The following SORL1 variants were observed in gnomAD, a reference collection of about 807,000 sequenced individuals.
The protein encoded by SORL1 is sortilin-related receptor.
In SORL1, 127 loss-of-function variants were observed where a neutral mutation model predicts 273.7. The observed-to-expected ratio is 0.46, with a 90% CI of 0.40 to 0.54. The LOEUF is 0.54. Ranked by LOEUF, SORL1 falls within the 20% of genes least tolerant of loss-of-function variation. The pLI is 0.00. For missense variants in SORL1, 2,494 were observed against 2,846.1 expected (o/e 0.88, Z 2.81); for synonymous variants, 1,031 against 1,067.4 (o/e 0.97, Z 0.66).
chr11:121,569,112 A>C (rs1159127443), intron 22 of SORL1, among the ~76,000 whole-genome samples: 3 of 152,204 alleles, frequency 2.0e-5, no homozygotes, highest in Non-Finnish European at 2.9e-5. Flanking sequence ...TAAATTGTGA[A>C]GATTTCACGG....
At chr11:121,613,981 A>G (rs547027201) in intron 40 of SORL1, among the ~76,000 whole-genome samples, 49 of 152,318 alleles carry the variant, frequency 3.2e-4, no homozygotes, top group African/African-American at 1.1e-3. Context: ...TTTTTTCTCC[A>G]TCTTACAAAC....
At chr11:121,471,167 G>A (rs1360020722) in intron 2 of SORL1, among the ~76,000 whole-genome samples, 1 of 152,150 alleles carries the variant, frequency 6.6e-6, no homozygotes, top group South Asian at 2.1e-4. Flanking sequence ...TTGGAGAGAC[G>A]TGGGGAAGGG....
chr11:121,573,210 C>T lies in SORL1; in HGVS notation c.3338-1031C>T, dbSNP rs1862873600. The stretch of plus-strand genomic sequence containing the variant: ...TGTTTAGAGCCCATTATATTTACAT[C>T]CTATTTAATAGGCTCTGGTTCCAAA... On this transcript the variant is annotated intron_variant, in intron 23 of 47. Coordinates refer to ENST00000260197, the MANE Select transcript of SORL1 (RefSeq NM_003105.6). 1.3e-5 allele frequency among the ~76,000 whole-genome samples: 2 copies of T among 152,166 alleles called. 1 individual carries two copies. Among genetic ancestry groups the T allele is most frequent in the Admixed American group, 1.3e-4 (2 of 15,278 alleles).
intron 14 of SORL1, among the ~76,000 whole-genome samples, chr11:121,548,597 C>T (rs1862466320): frequency 6.6e-6 from 1 of 152,152 alleles, no homozygotes; most frequent in South Asian, 2.1e-4. Context: ...GACAGAGTCT[C>T]ACTCTGTCAC....
chr11:121,559,524 A>C lies in SORL1; in HGVS notation c.2916A>C (p.Glu972Asp). 6.2e-7 allele frequency: 1 copy of C among 1,611,722 alleles called. No individual in the cohort carries two copies. The highest frequency in any genetic ancestry group is 1.1e-5 in the South Asian group (1 of 90,518). ...HPYAIAVFKN[E>D]IYWDDWSQLS... ...GGCAAAGGTTTTCTTTTTAGAATGA[A>C]ATCTACTGGGATGACTGGTCACAGC... Residue 972 changes from glutamate to aspartate, a missense_variant, in exon 21 of 48, where the codon GAA (glutamate) becomes GAC (aspartate). Physicochemically the swap from Glu to Asp is conservative, Grantham distance 45. Transcript: ENST00000260197.
At chr11:121,532,985 G>A (rs1026330190) in intron 12 of SORL1, among the ~76,000 whole-genome samples, 6 of 151,964 alleles carry the variant, frequency 3.9e-5, no homozygotes, top group East Asian at 1.9e-4. Context: ...TGCCCACCCC[G>A]ATTTAAACTC....
intron 8 of SORL1, among the ~76,000 whole-genome samples, chr11:121,518,031 G>A (rs940853647): frequency 6.6e-6 from 1 of 152,230 alleles, no homozygotes; most frequent in East Asian, 1.9e-4. Flanking sequence ...AATGACCCTG[G>A]CCCTGGTGGG....
At chr11:121,506,409 G>A (rs1861787551) in intron 6 of SORL1, among the ~76,000 whole-genome samples, 1 of 152,150 alleles carries the variant, frequency 6.6e-6, no homozygotes, top group Admixed American at 6.5e-5. Context: ...ATGGTGGAAG[G>A]CAAGCAGGAG....
intron 6 of SORL1, among the ~76,000 whole-genome samples, chr11:121,510,711 C>T (rs1291745537): frequency 6.6e-6 from 1 of 152,224 alleles, no homozygotes; most frequent in Admixed American, 6.5e-5. Flanking sequence ...TCCCACTGCT[C>T]AGGAGGAAAG....
At chr11:121,476,894 T>A (rs1861277636) in intron 2 of SORL1, among the ~76,000 whole-genome samples, 1 of 151,452 alleles carries the variant, frequency 6.6e-6, no homozygotes, top group Admixed American at 6.6e-5. Flanking sequence ...TGGGCTTAAG[T>A]GATCTTCACA....
rs760941409 is a variant in SORL1 at position 121,621,183 on chromosome 11, C to A, written c.6009C>A (p.His2003Gln). Residue 2003 changes from histidine (H) to glutamine (Q), a missense_variant, in exon 44 of 48, where the codon CAC becomes CAA. By Grantham distance (24) the His-to-Gln change is conservative. Transcript: ENST00000260197. ...AGTTGGAGCCTGGCGGGAAATACCA[C>A]ATCATTGTCCAACTGGGGAACATGA... ...LNKLEPGGKY[H>Q]IIVQLGNMSK... 7 of 1,614,078 alleles carry A rather than the reference C, an allele frequency of 4.3e-6. No homozygotes were observed. In the African/African-American group the frequency reaches 9.3e-5, roughly 22 times the overall value.
At chr11:121,540,633 G>T (rs1034876665) in intron 12 of SORL1, among the ~76,000 whole-genome samples, 1 of 151,864 alleles carries the variant, frequency 6.6e-6, no homozygotes, top group African/African-American at 2.4e-5. Flanking sequence ...TCCAAAATGC[G>T]TGTTCTCTTA....
chr11:121,560,279 G>A (rs892250822), intron 21 of SORL1, among the ~76,000 whole-genome samples: 1 of 152,248 alleles, frequency 6.6e-6, no homozygotes, highest in Non-Finnish European at 1.5e-5. Context: ...TGAAAAGGGA[G>A]GGGAAGAATT....
intron 1 of SORL1, among the ~76,000 whole-genome samples, chr11:121,467,130 C>T (rs529445284): frequency 1.3e-3 from 197 of 150,286 alleles, no homozygotes; most frequent in Admixed American, 2.5e-3. Context: ...CCCGGGTTCA[C>T]GCCATTCTCC....
At chr11:121,461,823 T>C (rs1861005068) in intron 1 of SORL1, among the ~76,000 whole-genome samples, 1 of 152,208 alleles carries the variant, frequency 6.6e-6, no homozygotes, top group African/African-American at 2.4e-5. Context: ...CTTTCGCTAA[T>C]GTTAATGTTC....
intron 12 of SORL1, among the ~76,000 whole-genome samples, chr11:121,536,425 G>GTTT (rs760535597): frequency 7.0e-6 from 1 of 143,732 alleles, no homozygotes. Flanking sequence ...TCTTATCACT[G>GTTT]TGTTTTTTTT....
Position 121,545,434 on chromosome 11 carries a change from GTTC to G in SORL1, c.2051+11_2051+13del, listed in dbSNP as rs771548313. ...CACCCGGGAGGACTATGAGTGGTCA[GTTC>G]TTCTTTGATGGCTGGGGACTGAGTT... On this transcript the variant is annotated splice_donor_region_variant and intron_variant, in intron 14 of 47. Transcript: ENST00000260197. The G allele has an allele frequency of 3.1e-6, 5 of 1,613,738 alleles. No homozygotes were observed. Among genetic ancestry groups the G allele is most frequent in the Admixed American group, 3.3e-5 (2 of 60,022 alleles).
intron 4 of SORL1, among the ~76,000 whole-genome samples, 181 bp from the exon 5 acceptor site, chr11:121,489,862 G>A (rs12280112): frequency 2.1e-4 from 32 of 152,358 alleles, no homozygotes; most frequent in African/African-American, 7.5e-4. Flanking sequence ...TAGGTACACA[G>A]TTGTCTTTCC....
chr11:121,461,414 C>T (rs1334495086), intron 1 of SORL1, among the ~76,000 whole-genome samples: 3 of 152,138 alleles, frequency 2.0e-5, no homozygotes, highest in Admixed American at 6.5e-5. Flanking sequence ...GCCTGTGGGA[C>T]GTCCGCCTGT....
Sources: gnomAD v4.1 joint callset for allele counts (sites outside exome capture counted in the v4.1 genomes callset) on GRCh38, gnomAD v4.1.1 for gene constraint, MANE v1.5 for transcripts, NCBI Gene and HGNC (gene_info 2026-07-23, HGNC 2026-07-21) for gene names.